Variants in THUMPD2 observed in about 807,000 individuals in gnomAD.
The protein encoded by THUMPD2 is U6 snRNA (guanine-N(2))-methyltransferase THUMPD2.
Under a neutral mutation model 49.4 loss-of-function variants are expected in THUMPD2, and 56 were observed. The ratio of observed to expected loss-of-function variants is 1.13; its 90% CI spans 0.91 to 1.41. The LOEUF is 1.41. Ranked by LOEUF, THUMPD2 falls within the 40% of genes most tolerant of loss-of-function variation. The probability of loss-of-function intolerance (pLI) is 0.00; values close to 1 mark genes in which losing one functional copy is unlikely to be tolerated. For missense variants in THUMPD2, 709 were observed against 594.5 expected (o/e 1.19, Z -2.00); for synonymous variants, 237 against 205.2 (o/e 1.15, Z -1.32).
intron 9 of THUMPD2, among the ~76,000 whole-genome samples, chr2:39,738,602 AAT>A (rs1340763506): frequency 2.2e-5 from 3 of 134,986 alleles, no homozygotes; most frequent in South Asian, 2.2e-4. Flanking sequence ...CATATGTAAA[AAT>A]ATATATATAA....
At position 39,765,509 on chromosome 2, in the gene THUMPD2, TA is replaced by T. The variant is rs201856394; in HGVS notation, c.803+547del. 1.8e-3 allele frequency among the ~76,000 whole-genome samples: 268 copies of T among 149,908 alleles called. 2 individuals are homozygous for T. The highest frequency in any genetic ancestry group is 5.6e-3 in the African/African-American group (231 of 40,960). Reference sequence around the variant, plus strand: ...GCTCACTTTTTGGGGGTCAAAGTATTAAAAAAAAAATTAACTACTTTATAAA... The same window carrying T: ...GCTCACTTTTTGGGGGTCAAAGTATTAAAAAAAAATTAACTACTTTATAAA... On this transcript the variant is annotated intron_variant, in intron 5 of 9. Transcript: ENST00000505747.
chr2:39,763,260 T>G lies in THUMPD2; in HGVS notation c.804-1842A>C, dbSNP rs114297372. Reference sequence around the variant, plus strand: ...CTAGACTTGTTACCTGAACCCCAGATCTTTATCTTCAAATATGTGCTTGAA... The same window carrying G: ...CTAGACTTGTTACCTGAACCCCAGAGCTTTATCTTCAAATATGTGCTTGAA... On this transcript the variant is annotated intron_variant, in intron 5 of 9. Coordinates refer to ENST00000505747, the MANE Select transcript of THUMPD2 (RefSeq NM_025264.5). Among the ~76,000 whole-genome samples the G allele has an allele frequency of 4.8e-3, 735 of 152,138 alleles. 4 individuals are homozygous for G. The highest frequency in any genetic ancestry group is 0.017 in the African/African-American group (699 of 41,524).
At chr2:39,762,745 C>CTAGA (rs1188740034) in intron 5 of THUMPD2, among the ~76,000 whole-genome samples, 1 of 150,102 alleles carries the variant, frequency 6.7e-6, no homozygotes, top group Non-Finnish European at 1.5e-5. Context: ...AGTTTGCATT[C>CTAGA]TAGATGCCAA....
At chr2:39,761,487 G>A in intron 5 of THUMPD2, 69 bp from the exon 6 acceptor site, 1 of 1,371,986 alleles carries the variant, frequency 7.3e-7, no homozygotes, top group South Asian at 1.2e-5. Flanking sequence ...TGATTTACCT[G>A]TCCAAATCTG....
At chr2:39,752,649 C>T (rs1373869119) in intron 8 of THUMPD2, among the ~76,000 whole-genome samples, 1 of 152,092 alleles carries the variant, frequency 6.6e-6, no homozygotes, top group African/African-American at 2.4e-5. Context: ...GATGATGAAA[C>T]AACCTAAAAC....
rs777283835 is a variant in THUMPD2, at chr2:39,769,910, T to C, written c.472A>G (p.Asn158Asp). ...TGTTTTTCCAGCTGGCAGTCCCTAT[T>C]CTCTTCTATCTTTTGCATTTGTTCT... Reference protein sequence around the residue: ...KIEQMQKIEENRDCQLEKQIK... With the variant: ...KIEQMQKIEEDRDCQLEKQIK... The change falls in exon 3 of 10, where the codon AAT becomes GAT. Residue 158 changes from asparagine to aspartate, a missense_variant. Physicochemically the swap from Asn to Asp is conservative, Grantham distance 23 (BLOSUM62 1). Transcript: ENST00000505747. 5.7e-6 allele frequency: 9 copies of C among 1,584,716 alleles called. No individual in the cohort carries two copies. The African/African-American group carries it at 9.6e-5, about 17-fold the overall frequency.
intron 5 of THUMPD2, among the ~76,000 whole-genome samples, chr2:39,764,288 A>T (rs1392144259): frequency 6.6e-6 from 1 of 152,202 alleles, no homozygotes; most frequent in Non-Finnish European, 1.5e-5. Context: ...TATCTCATTT[A>T]ATCCCAAGGA....
At position 39,755,920 on chromosome 2, in the gene THUMPD2, G is replaced by A. The variant is rs765813072; in HGVS notation, c.932C>T (p.Thr311Ile). Residue 311 changes from threonine to isoleucine, a missense_variant, in exon 7 of 10, where the codon ACA (threonine) becomes ATA (isoleucine). Coordinates refer to ENST00000505747, the MANE Select transcript of THUMPD2 (RefSeq NM_025264.5). ...TTCTTTAGCAGCTTCCAAAAGTATT[G>A]TTCCAAGTCCACACATTGGATCTAA... is the stretch of plus-strand genomic sequence containing the variant. Reference protein sequence around the residue: ...FVLDPMCGLGTILLEAAKEWP... With the variant: ...FVLDPMCGLGIILLEAAKEWP... The A allele has an allele frequency of 1.2e-6, 2 of 1,613,762 alleles. No homozygotes were observed. The highest frequency in any genetic ancestry group is 1.7e-6 in the Non-Finnish European group (2 of 1,179,868).
intron 1 of THUMPD2, among the ~76,000 whole-genome samples, chr2:39,778,048 C>A (rs1353093902): frequency 6.6e-6 from 1 of 152,166 alleles, no homozygotes; most frequent in Non-Finnish European, 1.5e-5. Context: ...TGAATCCCAT[C>A]TTTGCGATTT....
At chr2:39,754,257 T>C (rs1053105073) in intron 8 of THUMPD2, among the ~76,000 whole-genome samples, 2 of 152,202 alleles carry the variant, frequency 1.3e-5, no homozygotes, top group African/African-American at 4.8e-5. Flanking sequence ...ACCCCTTAGT[T>C]TGCTCTACAA....
In THUMPD2 at chr2:39,767,884, C is replaced by A. The variant is rs190426740; in HGVS notation, c.750+540G>T. Among the ~76,000 whole-genome samples, 52 of 152,058 alleles carry A rather than the reference C, an allele frequency of 3.4e-4. No individual in the cohort carries two copies. In the East Asian group the frequency reaches 7.3e-3, roughly 21 times the overall value. On this transcript the variant is annotated intron_variant, in intron 4 of 9. Coordinates refer to ENST00000505747, the MANE Select transcript of THUMPD2 (RefSeq NM_025264.5). ...TGAATCATGAAAATGATTGGTTATA[C>A]GTCAACTTTATAAGATGGCTTTCAA...
At chr2:39,771,699 T>G in intron 1 of THUMPD2, 59 bp from the exon 2 acceptor site, 2 of 1,521,402 alleles carry the variant, frequency 1.3e-6, no homozygotes, top group Non-Finnish European at 1.8e-6. Flanking sequence ...ACCATATTTT[T>G]TCCCTCAAGA....
rs960915187 is a variant in THUMPD2 at position 39,755,528 on chromosome 2, C to T, written c.964-119G>A. The T allele has an allele frequency of 2.2e-5, 15 of 670,118 alleles. No individual in the cohort carries two copies. In the Admixed American group the frequency reaches 2.8e-4, roughly 13 times the overall value. 41.5% of individuals were successfully genotyped at this position (670,118 alleles called of 1,614,324 possible). ...AAATTAGTAGATTTTAAATTCAGGT[C>T]AAAACACATTTAGGGTATTCTTTTA... On this transcript the variant is annotated intron_variant, in intron 7 of 9. Transcript: ENST00000505747.
chr2:39,751,707 C>T (rs1242599599), intron 8 of THUMPD2, among the ~76,000 whole-genome samples: 3 of 103,930 alleles, frequency 2.9e-5, no homozygotes, highest in South Asian at 3.3e-4. Context: ...TTTTTTGAGA[C>T]GGAGTCTCGC....
intron 9 of THUMPD2, among the ~76,000 whole-genome samples, chr2:39,741,397 A>T (rs1333306308): frequency 6.6e-6 from 1 of 152,202 alleles, no homozygotes; most frequent in Non-Finnish European, 1.5e-5. Context: ...ACATATAAAC[A>T]TGATGTGGTC....
In THUMPD2 at chr2:39,766,056, C is replaced by T. The variant is rs1263519785; in HGVS notation, c.803+1G>A. The T allele has an allele frequency of 1.3e-6, 2 of 1,579,592 alleles. No homozygotes were observed. Among genetic ancestry groups the T allele is most frequent in the African/African-American group, 1.4e-5 (1 of 72,574 alleles). On this transcript the variant is annotated splice_donor_variant, in intron 5 of 9. Transcript: ENST00000505747. LOFTEE classifies it high-confidence loss of function. ...ACAAACCGGAAGCTTAGAATATCTA[C>T]CTGAACACAGGAATCCCCACCACAG...
intron 8 of THUMPD2, among the ~76,000 whole-genome samples, chr2:39,753,965 C>G (rs537969052): frequency 6.6e-6 from 1 of 152,248 alleles, no homozygotes; most frequent in Admixed American, 6.5e-5. Flanking sequence ...AAAGCACACA[C>G]ACACAAACAG....
Position 39,769,924 on chromosome 2 carries a change from TGCATTTGTTCTA to T in THUMPD2, c.446_457del (p.Ile149_Gln153delinsLys). Reference sequence around the variant, plus strand: ...GCAGTCCCTATTCTCTTCTATCTTTTGCATTTGTTCTATTTTTAATTTCTTTGCAATGATTTC... The same window carrying T: ...GCAGTCCCTATTCTCTTCTATCTTTTTTTTTAATTTCTTTGCAATGATTTC... On this transcript the variant is annotated inframe_deletion, in exon 3 of 10. Coordinates refer to ENST00000505747, the MANE Select transcript of THUMPD2 (RefSeq NM_025264.5). 1 of 1,582,064 alleles carries T rather than the reference TGCATTTGTTCTA, an allele frequency of 6.3e-7. No homozygotes were observed. The highest frequency in any genetic ancestry group is 1.2e-5 in the South Asian group (1 of 83,484).
rs1673065201 is a variant in THUMPD2, at chr2:39,736,204, T to C, written c.*531A>G. 1 of 152,328 alleles carries C rather than the reference T, an allele frequency of 6.6e-6. No individual in the cohort carries two copies. The highest frequency in any genetic ancestry group is 1.5e-5 in the Non-Finnish European group (1 of 68,120). The allele number at this position is 152,328 out of a possible 1,614,324, so 9.4% of individuals were successfully genotyped here. A position where few individuals can be genotyped will look rare whatever the true frequency, so the allele number is the denominator to read the frequency against. On this transcript the variant is annotated 3_prime_UTR_variant, in exon 10 of 10. Coordinates refer to ENST00000505747, the MANE Select transcript of THUMPD2 (RefSeq NM_025264.5). ...TCATTTTCCATCATGTTTTGAAGGA[T>C]ACTGGCTTAATTCAGTTATTATTCT...
Sources: allele counts gnomAD v4.1 joint callset (sites outside exome capture counted in the v4.1 genomes callset), GRCh38; gene constraint gnomAD v4.1.1; transcripts MANE v1.5; gene names NCBI Gene and HGNC (gene_info 2026-07-23, HGNC 2026-07-21).